Variants in EYS observed in about 807,000 individuals in gnomAD.
EYS encodes the protein EGF-like photoreceptor maintenance factor, also known as protein eyes shut homolog.
In EYS, 250 loss-of-function variants were observed where a neutral mutation model predicts 282.1. That is an observed-to-expected ratio of 0.89 (90% CI 0.80 to 0.98). EYS has a LOEUF of 0.98. Ranked by LOEUF, EYS falls within the 50% of genes least tolerant of loss-of-function variation. EYS has a pLI of 0.00. For synonymous variants in EYS, 1,355 were observed against 1,282.9 expected, an observed-to-expected ratio of 1.06 and a Z score of -1.20; for missense variants, 4,016 against 3,709.0, an observed-to-expected ratio of 1.08 and a Z score of -2.15.
intron 12 of EYS, among the ~76,000 whole-genome samples, chr6:65,145,163 T>C (rs866038078): frequency 5.9e-5 from 9 of 152,068 alleles, no homozygotes; most frequent in Admixed American, 1.3e-4. Flanking sequence ...TAATATCCCA[T>C]TGGAAAATTG....
At chr6:63,981,320 T>A (rs1489048713) in intron 35 of EYS, among the ~76,000 whole-genome samples, 15 of 151,838 alleles carry the variant, frequency 9.9e-5, no homozygotes, top group Non-Finnish European at 1.9e-4. Flanking sequence ...TCTGTTTTCT[T>A]GTATTAAACT....
chr6:64,697,957 A>C (rs1770642520), intron 22 of EYS, among the ~76,000 whole-genome samples: 1 of 152,136 alleles, frequency 6.6e-6, no homozygotes, highest in Non-Finnish European at 1.5e-5. Context: ...AACAAACAAA[A>C]AAAAGCAAAA....
chr6:63,915,239 A>G (rs763938743), intron 35 of EYS, among the ~76,000 whole-genome samples: 1 of 152,184 alleles, frequency 6.6e-6, no homozygotes, highest in Non-Finnish European at 1.5e-5. Context: ...TGAAAATCCT[A>G]GGGCCTTTAA....
intron 22 of EYS, among the ~76,000 whole-genome samples, chr6:64,780,754 T>C (rs1287545381): frequency 6.6e-6 from 1 of 152,196 alleles, no homozygotes; most frequent in Non-Finnish European, 1.5e-5. Context: ...GTGAAGACCA[T>C]GAAATTTATA....
intron 22 of EYS, among the ~76,000 whole-genome samples, chr6:64,734,593 G>C (rs1495537): frequency 0.99 from 151,527 of 152,336 alleles, 75,364 homozygotes; most frequent in East Asian, 1. Flanking sequence ...ATTTCTGTTA[G>C]CCATTTACAA....
At chr6:64,819,056 G>T (rs1268604403) in intron 21 of EYS, among the ~76,000 whole-genome samples, 1 of 152,062 alleles carries the variant, frequency 6.6e-6, no homozygotes, top group African/African-American at 2.4e-5. Flanking sequence ...AGTTAGTACT[G>T]CCTATCTTTC....
chr6:65,194,631 T>C lies in EYS; in HGVS notation c.2023+101232A>G, dbSNP rs608676. Among the ~76,000 whole-genome samples the C allele has an allele frequency of 9.2e-3, 1,405 of 152,004 alleles. 17 individuals are homozygous for C. Among genetic ancestry groups the C allele is most frequent in the African/African-American group, 0.032 (1,333 of 41,516 alleles). On this transcript the variant is annotated intron_variant, in intron 12 of 42. Transcript: ENST00000503581. ...GTTCATTTAAACAAGTTTCTCACTT[T>C]GTGTTAAGGCCTTTGTCCATTGAAG...
chr6:64,892,360 T>G (rs1767317771), intron 18 of EYS, among the ~76,000 whole-genome samples: 1 of 151,900 alleles, frequency 6.6e-6, no homozygotes, highest in South Asian at 2.1e-4. Flanking sequence ...TAATGAGAGT[T>G]TTGATTTTAA....
intron 31 of EYS, among the ~76,000 whole-genome samples, chr6:64,175,416 C>T (rs904146796): frequency 7.2e-5 from 11 of 152,156 alleles, no homozygotes; most frequent in Admixed American, 1.3e-4. Flanking sequence ...AGAAAACCAA[C>T]GCAGGGATGC....
At chr6:65,525,789 C>G (rs565080641) in intron 2 of EYS, among the ~76,000 whole-genome samples, 1 of 152,316 alleles carries the variant, frequency 6.6e-6, no homozygotes, top group South Asian at 2.1e-4. Context: ...CTTTATCTAA[C>G]AGAGTAGCTC....
chr6:64,316,511 G>A (rs1269019396), intron 29 of EYS, among the ~76,000 whole-genome samples: 14 of 152,060 alleles, frequency 9.2e-5, no homozygotes, highest in Admixed American at 7.9e-4. Context: ...TACAAGGGAC[G>A]TGAAGGACCT....
At chr6:65,084,670 C>T (rs1774316080) in intron 12 of EYS, among the ~76,000 whole-genome samples, 1 of 152,102 alleles carries the variant, frequency 6.6e-6, no homozygotes, top group South Asian at 2.1e-4. Flanking sequence ...TACTTCCCTA[C>T]AATCATCTAC....
chr6:65,279,185 G>C (rs1311230263), intron 12 of EYS, among the ~76,000 whole-genome samples: 1 of 149,892 alleles, frequency 6.7e-6, no homozygotes, highest in Non-Finnish European at 1.5e-5. Context: ...TGAGGCTCTG[G>C]CTCTATAAAA....
intron 8 of EYS, among the ~76,000 whole-genome samples, chr6:65,364,117 T>G (rs1215241121): frequency 6.7e-6 from 1 of 149,714 alleles, no homozygotes; most frequent in African/African-American, 2.4e-5. Flanking sequence ...TTCTTAAATA[T>G]CCCTTATATG....
chr6:65,364,526 T>C (rs897160554), intron 8 of EYS, among the ~76,000 whole-genome samples: 3 of 91,116 alleles, frequency 3.3e-5, no homozygotes, highest in Non-Finnish European at 7.2e-5. Flanking sequence ...AGAGATCAAA[T>C]TGGACTATAT....
At chr6:65,261,112 C>A (rs2150258168) in intron 12 of EYS, among the ~76,000 whole-genome samples, 1 of 152,078 alleles carries the variant, frequency 6.6e-6, no homozygotes, top group Admixed American at 6.6e-5. Flanking sequence ...GCATTACGAA[C>A]ATTTTAAGAG....
intron 22 of EYS, among the ~76,000 whole-genome samples, chr6:64,711,023 A>G (rs1054913284): frequency 6.6e-6 from 1 of 152,220 alleles, no homozygotes; most frequent in Admixed American, 6.5e-5. Flanking sequence ...CCGTACCGTA[A>G]GACAGAGCTA....
At chr6:64,249,944 A>G (rs1343454075) in intron 30 of EYS, among the ~76,000 whole-genome samples, 1 of 152,198 alleles carries the variant, frequency 6.6e-6, no homozygotes, top group East Asian at 1.9e-4. Flanking sequence ...CAGAGTAGAG[A>G]AAAATGGAGA....
intron 19 of EYS, among the ~76,000 whole-genome samples, chr6:64,869,017 T>C (rs1766510658): frequency 1.3e-5 from 2 of 151,576 alleles, no homozygotes; most frequent in Admixed American, 6.6e-5. Context: ...AACTGTAATT[T>C]ATTAATTAGG....
Sources: gnomAD v4.1 joint callset for allele counts (sites outside exome capture counted in the v4.1 genomes callset) on GRCh38, gnomAD v4.1.1 for gene constraint, MANE v1.5 for transcripts, NCBI Gene and HGNC (gene_info 2026-07-23, HGNC 2026-07-21) for gene names.